ADCY5: variants seen among roughly 807,000 people sequenced by gnomAD.
ADCY5 encodes adenylate cyclase 5, also known as adenylate cyclase type 5.
ADCY5 carries 30 observed loss-of-function variants against 119.7 expected under a neutral mutation model. That is an observed-to-expected ratio of 0.25 (90% confidence interval 0.19 to 0.34). The LOEUF (loss-of-function observed/expected upper bound fraction) is 0.34, where lower values mean the gene tolerates loss of function less well. Ranked by LOEUF, ADCY5 falls within the 10% of genes least tolerant of loss-of-function variation. The pLI is 1.00. For missense variants in ADCY5, 1,324 were observed against 1,775.2 expected, an observed-to-expected ratio of 0.75 and a Z score of 4.57; for synonymous variants, 753 against 762.2, an observed-to-expected ratio of 0.99 and a Z score of 0.20.
At chr3:123,384,785 GA>G (rs1352325778) in intron 1 of ADCY5, among the ~76,000 whole-genome samples, 2 of 152,114 alleles carry the variant, frequency 1.3e-5, no homozygotes, top group African/African-American at 4.8e-5. Context: ...TCTAACTTGG[GA>G]AGCATGAAGA....
intron 19 of ADCY5, among the ~76,000 whole-genome samples, chr3:123,289,194 G>A (rs1224349587): frequency 1.3e-5 from 2 of 152,158 alleles, no homozygotes; most frequent in African/African-American, 4.8e-5. Context: ...GTTTGATGTT[G>A]TTCTACATTT....
chr3:123,382,865 T>C (rs1944077810), intron 1 of ADCY5, among the ~76,000 whole-genome samples: 1 of 115,520 alleles, frequency 8.7e-6, no homozygotes, highest in Non-Finnish European at 1.7e-5. Context: ...ATGTACGTAA[T>C]GTCTGACTGG....
chr3:123,333,161 A>T (rs1206822882), intron 3 of ADCY5, among the ~76,000 whole-genome samples: 2 of 152,192 alleles, frequency 1.3e-5, no homozygotes, highest in Non-Finnish European at 2.9e-5. Context: ...TGCCCTTATA[A>T]GAAGAGACAA....
At position 123,304,144 on chromosome 3, in the gene ADCY5, C is replaced by T. The variant is rs116775208; in HGVS notation, c.2482G>A (p.Val828Met). Residue 828 changes from valine to methionine, a missense_variant, in exon 13 of 21, where the codon GTG becomes ATG. By Grantham distance (21) the Val-to-Met change is conservative. Coordinates refer to ENST00000462833, the MANE Select transcript of ADCY5 (RefSeq NM_183357.3). ...AGGGTGCTGTTCATCTTGGACCGCA[C>T]GATCTTCCTGGAGAGGGTCTGCAGT... ...SPLQTLSRKI[V>M]RSKMNSTLVG... 2.3e-5 allele frequency: 35 copies of T among 1,543,186 alleles called. 1 individual carries two copies. The highest frequency in any genetic ancestry group is 2.8e-5 in the Non-Finnish European group (32 of 1,137,642).
chr3:123,416,364 G>C (rs1945185906), intron 1 of ADCY5: 1 of 1,512,148 alleles, frequency 6.6e-7, no homozygotes, highest in Non-Finnish European at 8.8e-7. Flanking sequence ...TTGTCCCCTT[G>C]TCTTGGGGAA....
chr3:123,426,850 G>A (rs1261257398), intron 1 of ADCY5, among the ~76,000 whole-genome samples: 1 of 152,108 alleles, frequency 6.6e-6, no homozygotes, highest in Non-Finnish European at 1.5e-5. Context: ...GGGGCTCCCA[G>A]AGGGAGGAGA....
intron 1 of ADCY5, among the ~76,000 whole-genome samples, chr3:123,389,167 T>C (rs983296328): frequency 6.6e-6 from 1 of 152,076 alleles, no homozygotes; most frequent in South Asian, 2.1e-4. Flanking sequence ...GGAAGGCTTA[T>C]GACGTCCTCA....
At chr3:123,447,209 C>A (rs1945833319) in intron 1 of ADCY5, among the ~76,000 whole-genome samples, 1 of 152,222 alleles carries the variant, frequency 6.6e-6, no homozygotes, top group Non-Finnish European at 1.5e-5. Context: ...ACACTGCAAA[C>A]GACACAAGGG....
intron 1 of ADCY5, among the ~76,000 whole-genome samples, chr3:123,389,138 C>T (rs1344186789): frequency 6.6e-6 from 1 of 150,928 alleles, no homozygotes; most frequent in African/African-American, 2.5e-5. Context: ...AGGTGCAGGA[C>T]GTCGGCTGAG....
intron 16 of ADCY5, chr3:123,296,923 T>C: frequency 2.1e-6 from 3 of 1,462,260 alleles, no homozygotes; most frequent in Non-Finnish European, 2.8e-6. Context: ...CCCCGCCCCT[T>C]GCCCAGGCAG....
intron 1 of ADCY5, among the ~76,000 whole-genome samples, chr3:123,424,325 G>A (rs1286301363): frequency 6.6e-6 from 1 of 152,218 alleles, no homozygotes; most frequent in Non-Finnish European, 1.5e-5. Context: ...TGGGCTGGGA[G>A]CTCTCTGAAG....
At chr3:123,308,440 C>T (rs1168326146) in intron 12 of ADCY5, among the ~76,000 whole-genome samples, 1 of 152,194 alleles carries the variant, frequency 6.6e-6, no homozygotes, top group Non-Finnish European at 1.5e-5. Context: ...GACATCCTGT[C>T]TTGATATCAG....
intron 2 of ADCY5, 132 bp from the exon 3 acceptor site, chr3:123,348,035 CAGTGTGTG>C (rs1942640566): frequency 2.2e-6 from 1 of 447,982 alleles, no homozygotes; most frequent in African/African-American, 6.7e-5. Context: ...CCTGGGTTAA[CAGTGTGTG>C]TGTGTGTGTG....
intron 3 of ADCY5, among the ~76,000 whole-genome samples, chr3:123,342,618 C>T (rs1395362011): frequency 6.6e-6 from 1 of 152,186 alleles, no homozygotes; most frequent in Non-Finnish European, 1.5e-5. Flanking sequence ...GTTTCTTAGG[C>T]AAAGGACCAG....
chr3:123,442,957 G>A (rs1178641525), intron 1 of ADCY5, among the ~76,000 whole-genome samples: 1 of 152,246 alleles, frequency 6.6e-6, no homozygotes, highest in Non-Finnish European at 1.5e-5. Flanking sequence ...CGCTGGGGTT[G>A]AGCCTGCTGC....
chr3:123,364,854 A>G (rs1183940477), intron 1 of ADCY5, among the ~76,000 whole-genome samples: 2 of 152,210 alleles, frequency 1.3e-5, no homozygotes, highest in East Asian at 3.9e-4. Context: ...TTTTTAAAAA[A>G]ATCTACTTAC....
chr3:123,439,880 T>C (rs770343359), intron 1 of ADCY5, among the ~76,000 whole-genome samples: 5 of 152,178 alleles, frequency 3.3e-5, no homozygotes, highest in Non-Finnish European at 7.3e-5. Context: ...ATGATGGTTT[T>C]CAAATCTGTT....
chr3:123,446,288 G>C (rs1945811428), intron 1 of ADCY5, among the ~76,000 whole-genome samples: 1 of 152,252 alleles, frequency 6.6e-6, no homozygotes, highest in South Asian at 2.1e-4. Flanking sequence ...GAAGGCACTA[G>C]AAGAGGGGAG....
chr3:123,371,994 C>T (rs1943660076), intron 1 of ADCY5, among the ~76,000 whole-genome samples: 3 of 152,144 alleles, frequency 2.0e-5, no homozygotes, highest in Admixed American at 2.0e-4. Context: ...TGGGGCCCTG[C>T]CCCACCTTCT....
Sources: allele counts gnomAD v4.1 joint callset (sites outside exome capture counted in the v4.1 genomes callset), GRCh38; gene constraint gnomAD v4.1.1; transcripts MANE v1.5; gene names NCBI Gene and HGNC (gene_info 2026-07-23, HGNC 2026-07-21).